Variants in EYS observed in about 807,000 individuals in gnomAD.
EYS encodes protein eyes shut homolog.
Under a neutral mutation model 282.1 loss-of-function variants are expected in EYS, and 250 were observed. That is an observed-to-expected ratio of 0.89 (90% CI 0.80 to 0.98). The LOEUF is 0.98. EYS is among the 50% of genes least tolerant of loss of function. The probability of loss-of-function intolerance (pLI) is 0.00; values close to 1 mark genes in which losing one functional copy is unlikely to be tolerated. For missense variants in EYS, 4,016 were observed against 3,709.0 expected, an observed-to-expected ratio of 1.08 and a Z score of -2.15; for synonymous variants, 1,355 against 1,282.9, an observed-to-expected ratio of 1.06 and a Z score of -1.20.
chr6:65,259,494 T>C (rs1021902140), intron 12 of EYS, among the ~76,000 whole-genome samples: 3 of 152,060 alleles, frequency 2.0e-5, no homozygotes, highest in Non-Finnish European at 4.4e-5. Flanking sequence ...AAAAAAATGG[T>C]TGATGTGTTT....
chr6:65,012,596 T>A (rs890956397), intron 13 of EYS, among the ~76,000 whole-genome samples: 1 of 152,094 alleles, frequency 6.6e-6, no homozygotes, highest in African/African-American at 2.4e-5. Context: ...AGAAGTACTA[T>A]AGTTGTTTGA....
intron 35 of EYS, among the ~76,000 whole-genome samples, chr6:63,968,063 TTC>T (rs1437559774): frequency 4.6e-5 from 7 of 152,042 alleles, no homozygotes; most frequent in Admixed American, 4.6e-4. Context: ...CCACTAGAAT[TTC>T]TGTCACATTA....
chr6:64,898,361 C>A (rs1430000602), intron 18 of EYS, among the ~76,000 whole-genome samples: 1 of 151,948 alleles, frequency 6.6e-6, no homozygotes, highest in African/African-American at 2.4e-5. Flanking sequence ...CTGAGATTCA[C>A]AAGTGAAGGA....
chr6:65,258,671 G>A (rs114633155), intron 12 of EYS, among the ~76,000 whole-genome samples: 198 of 152,138 alleles, frequency 1.3e-3, no homozygotes, highest in South Asian at 2.9e-3. Context: ...TCTGGTTCTA[G>A]TACCTACAGA....
intron 14 of EYS, among the ~76,000 whole-genome samples, chr6:64,948,140 T>C (rs1258109365): frequency 6.6e-6 from 1 of 151,564 alleles, no homozygotes; most frequent in Non-Finnish European, 1.5e-5. Flanking sequence ...CCAGATATGA[T>C]GAACTATATA....
chr6:65,088,746 G>A lies in EYS; in HGVS notation c.2024-31019C>T, dbSNP rs542639631. On this transcript the variant is annotated intron_variant, in intron 12 of 42. Transcript: ENST00000503581. ...GACAATGGGGTAACGTCTCCAGGGT[G>A]TGTCAGAGACCTTCATGGCAGCCCC... Among the ~76,000 whole-genome samples the A allele has an allele frequency of 3.3e-5, 5 of 152,268 alleles. No homozygotes were observed. The South Asian group carries it at 8.3e-4, about 25-fold the overall frequency.
chr6:64,441,701 G>T (rs1233875786), intron 26 of EYS, among the ~76,000 whole-genome samples: 1 of 152,152 alleles, frequency 6.6e-6, no homozygotes, highest in African/African-American at 2.4e-5. Flanking sequence ...TTGCAATAGT[G>T]AATGGGTCTC....
chr6:65,330,144 C>G (rs1436482858), intron 11 of EYS: 20 of 980,888 alleles, frequency 2.0e-5, no homozygotes, highest in Non-Finnish European at 2.4e-5. Context: ...ACAGAAGAAC[C>G]ATGAGATGTG....
intron 2 of EYS, among the ~76,000 whole-genome samples, chr6:65,603,727 G>C (rs1007048911): frequency 6.6e-6 from 1 of 151,494 alleles, no homozygotes; most frequent in Non-Finnish European, 1.5e-5. Context: ...TTTTAAATAA[G>C]ACAAAAACAT....
intron 22 of EYS, among the ~76,000 whole-genome samples, chr6:64,787,018 A>G (rs1231692862): frequency 6.6e-6 from 1 of 152,188 alleles, no homozygotes; most frequent in Non-Finnish European, 1.5e-5. Context: ...GAGTTTGGCA[A>G]TAGCATGCAA....
chr6:65,105,740 T>C (rs548525198), intron 12 of EYS, among the ~76,000 whole-genome samples: 26 of 151,918 alleles, frequency 1.7e-4, no homozygotes, highest in Non-Finnish European at 2.1e-4. Flanking sequence ...TTCCTAAATC[T>C]GAAGAGATTC....
chr6:64,769,669 C>T (rs1160592986), intron 22 of EYS, among the ~76,000 whole-genome samples: 1 of 151,902 alleles, frequency 6.6e-6, no homozygotes, highest in African/African-American at 2.4e-5. Flanking sequence ...ATGATTGGAT[C>T]ACCTAAAAAA....
intron 36 of EYS, among the ~76,000 whole-genome samples, chr6:63,847,558 T>C (rs939640206): frequency 6.6e-6 from 1 of 152,226 alleles, no homozygotes; most frequent in Non-Finnish European, 1.5e-5. Flanking sequence ...CAAGAGATTA[T>C]TGGAATTACC....
intron 30 of EYS, among the ~76,000 whole-genome samples, chr6:64,232,727 A>C (rs1229052007): frequency 2.0e-5 from 3 of 152,124 alleles, no homozygotes; most frequent in African/African-American, 7.2e-5. Context: ...ATAGCAGTGA[A>C]ATAATTTTGT....
chr6:64,189,780 GCC>G (rs1765049888), intron 31 of EYS, among the ~76,000 whole-genome samples: 2 of 152,006 alleles, frequency 1.3e-5, no homozygotes, highest in Admixed American at 6.6e-5. Context: ...TTTTAGACTT[GCC>G]AGCCCCCACA....
intron 22 of EYS, among the ~76,000 whole-genome samples, chr6:64,802,405 G>C (rs1193939306): frequency 6.6e-6 from 1 of 152,002 alleles, no homozygotes; most frequent in Non-Finnish European, 1.5e-5. Flanking sequence ...AGGTTTTTGA[G>C]CGTGTAATTC....
chr6:65,477,747 T>A (rs1765463162), intron 5 of EYS, among the ~76,000 whole-genome samples: 1 of 152,204 alleles, frequency 6.6e-6, no homozygotes, highest in East Asian at 1.9e-4. Context: ...ATATTTTCCA[T>A]ATGGCCATTT....
chr6:65,329,721 T>C (rs1316465714), intron 11 of EYS: 1 of 971,308 alleles, frequency 1.0e-6, no homozygotes, highest in Non-Finnish European at 1.2e-6. Flanking sequence ...GAAATTACAA[T>C]AGTCTTAGAA....
intron 28 of EYS, among the ~76,000 whole-genome samples, chr6:64,428,427 T>C (rs550003522): frequency 1.3e-5 from 2 of 152,276 alleles, no homozygotes; most frequent in East Asian, 1.9e-4. Context: ...AAGTGAATCA[T>C]ATGCAGCAGA....
Sources: gnomAD v4.1 joint callset for allele counts (sites outside exome capture counted in the v4.1 genomes callset) on GRCh38, gnomAD v4.1.1 for gene constraint, MANE v1.5 for transcripts, NCBI Gene and HGNC (gene_info 2026-07-23, HGNC 2026-07-21) for gene names.